Variants in INPP4B observed in about 807,000 individuals in gnomAD.
The protein encoded by INPP4B is inositol polyphosphate 4-phosphatase type II.
Under a neutral mutation model 122.5 loss-of-function variants are expected in INPP4B, and 55 were observed. The ratio of observed to expected loss-of-function variants is 0.45; its 90% CI spans 0.36 to 0.56. INPP4B has a LOEUF of 0.56. Ranked by LOEUF, INPP4B falls within the 20% of genes least tolerant of loss-of-function variation. The pLI is 0.00. For missense variants in INPP4B, 1,000 were observed against 1,097.7 expected, an observed-to-expected ratio of 0.91 and a Z score of 1.26; for synonymous variants, 403 against 388.7, an observed-to-expected ratio of 1.04 and a Z score of -0.43.
chr4:142,502,575 A>G (rs1257915648), intron 2 of INPP4B, among the ~76,000 whole-genome samples: 4 of 151,978 alleles, frequency 2.6e-5, no homozygotes, highest in Admixed American at 6.6e-5. Context: ...TGCAACCTCC[A>G]TCTCCTGGGT....
At chr4:142,540,806 ACACT>A (rs1828855607) in intron 2 of INPP4B, among the ~76,000 whole-genome samples, 1 of 152,228 alleles carries the variant, frequency 6.6e-6, no homozygotes, top group African/African-American at 2.4e-5. Flanking sequence ...AAACACACAC[ACACT>A]ATTTCACTTT....
At position 142,106,338 on chromosome 4, in the gene INPP4B, G is replaced by A. The variant is rs138187554; in HGVS notation, c.2374+1755C>T. Among the ~76,000 whole-genome samples, 1,510 of 152,176 alleles carry A rather than the reference G, an allele frequency of 9.9e-3. 29 individuals are homozygous for A. The highest frequency in any genetic ancestry group is 0.034 in the African/African-American group (1,428 of 41,516). Reference sequence around the variant, plus strand: ...ATGTCACCCAGGCTGGAGTGCAGTGGCACAATCTTGGCTCACTGCAACTTC... The same window carrying A: ...ATGTCACCCAGGCTGGAGTGCAGTGACACAATCTTGGCTCACTGCAACTTC... On this transcript the variant is annotated intron_variant, in intron 23 of 25. Coordinates refer to ENST00000262992, the MANE Select transcript of INPP4B (RefSeq NM_001101669.3).
Position 142,131,319 on chromosome 4 carries a change from AC to A in INPP4B, c.1721-6560del, listed in dbSNP as rs150140524. ...AAGGTTGAGAAGACAGGTAGTGGAT[AC>A]TGAGTTGACTGAATCCTTATCAGAG... On this transcript the variant is annotated intron_variant, in intron 18 of 25. Coordinates refer to ENST00000262992, the MANE Select transcript of INPP4B (RefSeq NM_001101669.3). 3.3e-5 allele frequency among the ~76,000 whole-genome samples: 5 copies of A among 152,342 alleles called. No homozygotes were observed. In the East Asian group the frequency reaches 9.7e-4, roughly 29 times the overall value.
intron 3 of INPP4B, among the ~76,000 whole-genome samples, chr4:142,440,006 C>T (rs1811342891): frequency 6.6e-6 from 1 of 152,190 alleles, no homozygotes; most frequent in African/African-American, 2.4e-5. Flanking sequence ...TATAGATATA[C>T]ATTTTTTCCT....
chr4:142,069,764 C>G (rs772439354), intron 25 of INPP4B, among the ~76,000 whole-genome samples: 8 of 152,158 alleles, frequency 5.3e-5, no homozygotes, highest in Non-Finnish European at 1.0e-4. Flanking sequence ...GACACATTCA[C>G]CATCCCAAGA....
intron 2 of INPP4B, among the ~76,000 whole-genome samples, chr4:142,510,597 G>T (rs544532363): frequency 6.6e-6 from 1 of 152,184 alleles, no homozygotes; most frequent in Admixed American, 6.5e-5. Flanking sequence ...AAATTAATTT[G>T]GCTTATTATG....
chr4:142,482,133 TG>T (rs1049724664), intron 2 of INPP4B, among the ~76,000 whole-genome samples: 5 of 152,124 alleles, frequency 3.3e-5, no homozygotes, highest in African/African-American at 1.2e-4. Flanking sequence ...AGAACATGGC[TG>T]GGGGTGGGAG....
intron 14 of INPP4B, among the ~76,000 whole-genome samples, chr4:142,200,779 C>A (rs1840305907): frequency 1.3e-5 from 2 of 151,782 alleles, no homozygotes. Flanking sequence ...GGTAAAAGTC[C>A]CCAAATATTC....
chr4:142,521,985 C>T (rs940391991), intron 2 of INPP4B, among the ~76,000 whole-genome samples: 3 of 152,044 alleles, frequency 2.0e-5, no homozygotes, highest in African/African-American at 4.8e-5. Context: ...ATTCTTCATC[C>T]TAATATCTGT....
intron 2 of INPP4B, among the ~76,000 whole-genome samples, chr4:142,486,075 T>A (rs1560712125): frequency 6.6e-6 from 1 of 152,098 alleles, no homozygotes; most frequent in Non-Finnish European, 1.5e-5. Flanking sequence ...AGACAAGAAG[T>A]GCCGATTCAC....
At chr4:142,515,845 G>T (rs1397416624) in intron 2 of INPP4B, among the ~76,000 whole-genome samples, 1 of 152,050 alleles carries the variant, frequency 6.6e-6, no homozygotes, top group African/African-American at 2.4e-5. Context: ...ATGGATGTTT[G>T]TTCTTGAAAA....
intron 11 of INPP4B, among the ~76,000 whole-genome samples, chr4:142,238,733 C>T (rs1857767208): frequency 6.6e-6 from 1 of 152,020 alleles, no homozygotes; most frequent in South Asian, 2.1e-4. Flanking sequence ...CATGTAACCA[C>T]AATTTTAAAA....
intron 2 of INPP4B, among the ~76,000 whole-genome samples, chr4:142,709,207 G>A (rs1762824519): frequency 6.6e-6 from 1 of 152,114 alleles, no homozygotes; most frequent in Non-Finnish European, 1.5e-5. Context: ...TATCTTAGAA[G>A]TAACTAACTT....
intron 5 of INPP4B, among the ~76,000 whole-genome samples, chr4:142,413,109 G>A (rs1277784045): frequency 3.3e-5 from 5 of 152,138 alleles, no homozygotes; most frequent in Non-Finnish European, 5.9e-5. Context: ...AGAGATATTT[G>A]TTGGAAAAAT....
At chr4:142,298,710 A>G (rs1426101453) in intron 9 of INPP4B, among the ~76,000 whole-genome samples, 2 of 145,288 alleles carry the variant, frequency 1.4e-5, no homozygotes, top group Non-Finnish European at 3.0e-5. Flanking sequence ...AAAAAAAGAT[A>G]ATAATAATTG....
intron 3 of INPP4B, among the ~76,000 whole-genome samples, chr4:142,462,449 C>G (rs1197351526): frequency 1.3e-5 from 2 of 152,078 alleles, no homozygotes; most frequent in Non-Finnish European, 2.9e-5. Flanking sequence ...TAGGCTAGGC[C>G]TGGCCTAACT....
rs940388511 is a variant in INPP4B, at chr4:142,024,282, G to A, written c.*4500C>T. 2.6e-5 allele frequency: 4 copies of A among 152,092 alleles called. No individual in the cohort carries two copies. Among genetic ancestry groups the A allele is most frequent in the African/African-American group, 9.7e-5 (4 of 41,436 alleles). 9.4% of individuals were successfully genotyped at this position (152,092 alleles called of 1,614,324 possible). ...AATATATTGGGACTTTATAAGCTAA[G>A]AAACATAAATACAGGTGGGAAAAAG... On this transcript the variant is annotated 3_prime_UTR_variant, in exon 26 of 26. Coordinates refer to ENST00000262992, the MANE Select transcript of INPP4B (RefSeq NM_001101669.3).
intron 25 of INPP4B, among the ~76,000 whole-genome samples, chr4:142,072,443 A>G (rs537273864): frequency 1.5e-4 from 23 of 151,968 alleles, no homozygotes; most frequent in African/African-American, 5.5e-4. Flanking sequence ...TAACCTGCAC[A>G]TTGTGCACAT....
intron 2 of INPP4B, among the ~76,000 whole-genome samples, chr4:142,692,952 TAGAG>T (rs1274998630): frequency 1.3e-5 from 2 of 151,182 alleles, no homozygotes; most frequent in South Asian, 4.2e-4. Context: ...GATACATAGA[TAGAG>T]ATAGACAGAC....
Sources: allele counts gnomAD v4.1 joint callset (sites outside exome capture counted in the v4.1 genomes callset), GRCh38; gene constraint gnomAD v4.1.1; transcripts MANE v1.5; gene names NCBI Gene and HGNC (gene_info 2026-07-23, HGNC 2026-07-21).